The following RELL1 variants were observed in gnomAD, a reference collection of about 807,000 sequenced individuals.
The protein encoded by RELL1 is RELT like 1.
Under a neutral mutation model 23.0 loss-of-function variants are expected in RELL1, and 10 were observed. The ratio of observed to expected loss-of-function variants is 0.43; its 90% CI spans 0.27 to 0.74. RELL1 has a LOEUF of 0.74. Ranked by LOEUF, RELL1 falls within the 30% of genes least tolerant of loss-of-function variation. RELL1 has a pLI of 0.19. For missense variants in RELL1, 315 were observed against 364.4 expected (o/e 0.86, Z 1.10); for synonymous variants, 146 against 146.8 (o/e 0.99, Z 0.04).
At chr4:37,671,344 C>CA (rs1372562142) in intron 1 of RELL1, among the ~76,000 whole-genome samples, 1 of 152,130 alleles carries the variant, frequency 6.6e-6, no homozygotes, top group African/African-American at 2.4e-5. Flanking sequence ...GGAGGTTAGG[C>CA]ATTCTAAGTC....
intron 6 of RELL1, among the ~76,000 whole-genome samples, chr4:37,614,512 C>G (rs547606597): frequency 2.0e-5 from 3 of 152,228 alleles, no homozygotes; most frequent in Non-Finnish European, 1.5e-5. Context: ...ATACCCTGCA[C>G]TGAATTGCCA....
At chr4:37,609,670 G>T (rs1007916432), downstream of RELL1, among the ~76,000 whole-genome samples, 10 of 152,186 alleles carry the variant, frequency 6.6e-5, no homozygotes, top group African/African-American at 1.9e-4. Context: ...CAGGAGTCTG[G>T]AAGTTGATTC....
At chr4:37,605,915 AAGGG>A (rs60769087), downstream of RELL1, among the ~76,000 whole-genome samples, 85,060 of 140,248 alleles carry the variant, frequency 0.61, 28,908 homozygotes, top group Non-Finnish European at 0.77. Context: ...AAGAGGAAGG[AAGGG>A]AGGGAGGGAG....
At chr4:37,594,008 A>G (rs1718740907) in intron 6 of RELL1, among the ~76,000 whole-genome samples, 1 of 152,226 alleles carries the variant, frequency 6.6e-6, no homozygotes, top group Non-Finnish European at 1.5e-5. Flanking sequence ...ATATAATTTT[A>G]CATCTTAGAA....
At chr4:37,619,332 G>A (rs560692412) in intron 6 of RELL1, among the ~76,000 whole-genome samples, 5 of 152,082 alleles carry the variant, frequency 3.3e-5, no homozygotes, top group South Asian at 2.1e-4. Flanking sequence ...ACAGGCGTGC[G>A]GCATCACACC....
At chr4:37,641,372 AG>A (rs1720526325) in intron 3 of RELL1, among the ~76,000 whole-genome samples, 1 of 152,190 alleles carries the variant, frequency 6.6e-6, no homozygotes, top group Non-Finnish European at 1.5e-5. Flanking sequence ...TCCAGTGACG[AG>A]AAGGTTTTCT....
In RELL1 at chr4:37,612,318, A is replaced by AG; in HGVS notation, c.*1027dup. ...GATTAACCAAGAATCGCTCAGCTAAAGGTTAAAAAAAAAAAAAAAACAAAA... is the reference window on the plus strand; with the variant it reads ...GATTAACCAAGAATCGCTCAGCTAAAGGGTTAAAAAAAAAAAAAAAACAAAA... On this transcript the variant is annotated 3_prime_UTR_variant, in exon 7 of 7. Coordinates refer to ENST00000454158, the MANE Select transcript of RELL1 (RefSeq NM_001085400.2). 9.3e-6 allele frequency among the ~76,000 whole-genome samples: 1 copy of AG among 107,514 alleles called. No individual in the cohort carries two copies. The highest frequency in any genetic ancestry group is 2.0e-5 in the Non-Finnish European group (1 of 50,558). 70.5% of individuals were successfully genotyped at this position (107,514 alleles called of 152,430 possible). A position where few individuals can be genotyped will look rare whatever the true frequency, so the allele number is the denominator to read the frequency against.
chr4:37,686,370 A>G lies in RELL1; in HGVS notation c.-83T>C, dbSNP rs1027639658. ...GAGCCGCTCCGGAGCCGGCGGGCTGATCGAGTGGCTGGGCTGGGCCCCAGG... is the reference window on the plus strand; with the variant it reads ...GAGCCGCTCCGGAGCCGGCGGGCTGGTCGAGTGGCTGGGCTGGGCCCCAGG... On this transcript the variant is annotated 5_prime_UTR_variant, in exon 1 of 7. Transcript: ENST00000454158. 19 of 1,117,980 alleles carry G rather than the reference A, an allele frequency of 1.7e-5. No individual in the cohort carries two copies. The African/African-American group carries it at 3.0e-4, about 18-fold the overall frequency. The allele number at this position is 1,117,980 out of a possible 1,614,324, so 69.3% of individuals were successfully genotyped here.
chr4:37,614,792 C>T (rs1369120479), intron 6 of RELL1, among the ~76,000 whole-genome samples: 1 of 152,074 alleles, frequency 6.6e-6, no homozygotes, highest in Non-Finnish European at 1.5e-5. Context: ...TATGTGCTCC[C>T]TTAGAACTAG....
At chr4:37,631,307 C>T (rs1720119813) in intron 6 of RELL1, 78 bp downstream of exon 6, 2 of 1,469,196 alleles carry the variant, frequency 1.4e-6, no homozygotes, top group East Asian at 2.4e-5. Flanking sequence ...TATGCTGCCA[C>T]AGCACCTGGG....
chr4:37,623,721 C>T (rs899643159), intron 6 of RELL1, among the ~76,000 whole-genome samples: 1 of 151,712 alleles, frequency 6.6e-6, no homozygotes, highest in Non-Finnish European at 1.5e-5. Context: ...GCAGGCATCA[C>T]GGCACTACTT....
chr4:37,619,170 C>T (rs1006312415), intron 6 of RELL1, among the ~76,000 whole-genome samples: 1 of 151,080 alleles, frequency 6.6e-6, no homozygotes, highest in African/African-American at 2.4e-5. Flanking sequence ...TGAGCCACTG[C>T]ACCCACCTCC....
intron 1 of RELL1, among the ~76,000 whole-genome samples, chr4:37,659,281 C>G (rs1449844356): frequency 6.6e-6 from 1 of 152,144 alleles, no homozygotes; most frequent in Non-Finnish European, 1.5e-5. Context: ...TGCCAAGATC[C>G]TGCTGAGATT....
intron 1 of RELL1, among the ~76,000 whole-genome samples, chr4:37,665,759 A>T (rs1397949417): frequency 6.6e-6 from 1 of 152,222 alleles, no homozygotes; most frequent in Non-Finnish European, 1.5e-5. Flanking sequence ...TCCTTTAGGA[A>T]ATCAGTGAAT....
chr4:37,627,776 A>G (rs1369649009), intron 6 of RELL1, among the ~76,000 whole-genome samples: 2 of 152,270 alleles, frequency 1.3e-5, no homozygotes, highest in Admixed American at 6.5e-5. Context: ...CAATAAAACA[A>G]AACATTGCAG....
chr4:37,652,895 A>G (rs1376453835), intron 1 of RELL1, among the ~76,000 whole-genome samples: 3 of 152,240 alleles, frequency 2.0e-5, no homozygotes, highest in South Asian at 2.1e-4. Flanking sequence ...CAGACCTGGC[A>G]GAAATAACAG....
At chr4:37,615,278 T>C (rs766174598) in intron 6 of RELL1, among the ~76,000 whole-genome samples, 2 of 152,146 alleles carry the variant, frequency 1.3e-5, no homozygotes, top group Non-Finnish European at 2.9e-5. Flanking sequence ...AAAATACAAA[T>C]CACTGCTTAA....
intron 6 of RELL1, among the ~76,000 whole-genome samples, chr4:37,597,243 G>C (rs1560320230): frequency 6.6e-6 from 1 of 152,124 alleles, no homozygotes; most frequent in Non-Finnish European, 1.5e-5. Context: ...AGTTAATACA[G>C]AACTAAGGGA....
chr4:37,637,627 C>G (rs890985656), intron 4 of RELL1, among the ~76,000 whole-genome samples: 1 of 152,230 alleles, frequency 6.6e-6, no homozygotes, highest in Non-Finnish European at 1.5e-5. Flanking sequence ...CACAGGCTCT[C>G]CACCATGAGG....
Sources: allele counts gnomAD v4.1 joint callset (sites outside exome capture counted in the v4.1 genomes callset), GRCh38; gene constraint gnomAD v4.1.1; transcripts MANE v1.5; gene names NCBI Gene and HGNC (gene_info 2026-07-23, HGNC 2026-07-21).